PTPRF: variants seen among roughly 807,000 people sequenced by gnomAD.
PTPRF encodes receptor-type tyrosine-protein phosphatase F.
PTPRF carries 59 observed loss-of-function variants against 201.8 expected under a neutral mutation model. That is an observed-to-expected ratio of 0.29 (90% CI 0.24 to 0.36). The LOEUF (loss-of-function observed/expected upper bound fraction) is 0.36. Among genes scored for constraint, PTPRF ranks in the 10% least tolerant of loss-of-function variants. The pLI, the probability that PTPRF is intolerant of heterozygous loss-of-function variation, is 1.00. For synonymous variants in PTPRF, 1,088 were observed against 1,089.7 expected (o/e 1.00, Z 0.03); for missense variants, 2,132 against 2,690.5 (o/e 0.79, Z 4.59).
upstream of PTPRF, among the ~76,000 whole-genome samples, chr1:43,523,890 G>GA (rs57872715): frequency 1.4e-3 from 185 of 135,966 alleles, 1 homozygote; most frequent in African/African-American, 3.9e-3. Flanking sequence ...GTCTACTAAA[G>GA]AAAAAAAAAA....
intron 2 of PTPRF, among the ~76,000 whole-genome samples, chr1:43,539,881 G>A (rs1644255568): frequency 6.6e-6 from 1 of 152,160 alleles, no homozygotes; most frequent in African/African-American, 2.4e-5. Context: ...GGCTGATGTG[G>A]GGGTACAGGG....
chr1:43,573,077 G>A (rs527369134), intron 6 of PTPRF, among the ~76,000 whole-genome samples: 3 of 152,148 alleles, frequency 2.0e-5, no homozygotes, highest in Non-Finnish European at 4.4e-5. Context: ...GACGGCATGC[G>A]CTGCCCAGAT....
intron 8 of PTPRF, among the ~76,000 whole-genome samples, chr1:43,589,847 G>A (rs988778405): frequency 1.3e-5 from 2 of 151,518 alleles, no homozygotes; most frequent in Admixed American, 1.3e-4. Context: ...TCCAGCCTGA[G>A]TGACAGAGCG....
chr1:43,620,895 G>A lies in PTPRF; in HGVS notation c.5422G>A (p.Val1808Met), dbSNP rs762685023. Reference protein sequence around the residue: ...FQFTDWPEQGVPKTGEGFIDF... With the variant: ...FQFTDWPEQGMPKTGEGFIDF... ...GTTCACAGACTGGCCAGAGCAGGGC[G>A]TGCCCAAGACAGGCGAGGGATTCAT... Residue 1808 changes from valine (V) to methionine (M), a missense_variant, in exon 32 of 34, where the codon GTG becomes ATG. Physicochemically the swap from Val to Met is conservative, Grantham distance 21. Coordinates refer to ENST00000359947, the MANE Select transcript of PTPRF (RefSeq NM_002840.5). 2.2e-5 allele frequency: 36 copies of A among 1,614,104 alleles called. No individual in the cohort carries two copies. The highest frequency in any genetic ancestry group is 2.9e-5 in the Non-Finnish European group (34 of 1,180,028).
intron 7 of PTPRF, among the ~76,000 whole-genome samples, chr1:43,580,891 G>T (rs1456399517): frequency 6.6e-6 from 1 of 152,280 alleles, no homozygotes; most frequent in Non-Finnish European, 1.5e-5. Flanking sequence ...CAAGGGCGTG[G>T]CCTATGGGCA....
chr1:43,621,371 G>T, intron 33 of PTPRF, 139 bp downstream of exon 33: 1 of 1,203,364 alleles, frequency 8.3e-7, no homozygotes, highest in South Asian at 1.5e-5. Flanking sequence ...CGATAGGCAT[G>T]GTGGTGTGTG....
intron 6 of PTPRF, chr1:43,575,801 A>C: frequency 2.2e-5 from 21 of 964,872 alleles, no homozygotes; most frequent in East Asian, 6.1e-5. Context: ...CCATGTATTT[A>C]AGGCCCTTTC....
rs572013636 is a variant in PTPRF, at chr1:43,566,890, A to G, written c.380-2700A>G. Among the ~76,000 whole-genome samples the G allele has an allele frequency of 1.1e-4, 17 of 152,294 alleles. No homozygotes were observed. The South Asian group carries it at 3.5e-3, about 32-fold the overall frequency. Reference sequence around the variant, plus strand: ...CTCTGGCGGCAGTGCCTGAGGGATGATCTGAGCCAAGGACAGAGCCACTGA... The same window carrying G: ...CTCTGGCGGCAGTGCCTGAGGGATGGTCTGAGCCAAGGACAGAGCCACTGA... On this transcript the variant is annotated intron_variant, in intron 5 of 33. Transcript: ENST00000359947.
chr1:43,530,017 GA>G (rs576707456), upstream of PTPRF, among the ~76,000 whole-genome samples: 214 of 152,144 alleles, frequency 1.4e-3, no homozygotes, highest in African/African-American at 5.1e-3. The surrounding 1 kb of genome is among the most constrained non-coding windows in gnomAD (Gnocchi z 4.1). Context: ...GGGTGAACAT[GA>G]GGATGAAGGG....
intron 6 of PTPRF, among the ~76,000 whole-genome samples, chr1:43,571,211 A>G (rs1248677738): frequency 2.0e-5 from 3 of 151,288 alleles, no homozygotes; most frequent in Non-Finnish European, 4.4e-5. Context: ...CTCCTTCCCA[A>G]CCACACTCCC....
In PTPRF at chr1:43,592,485, C is replaced by T; in HGVS notation, c.1697C>T (p.Ser566Phe). The change falls in exon 11 of 34, where the codon TCC becomes TTC. Residue 566 changes from serine (S) to phenylalanine (F), a missense_variant. Physicochemically the swap from Ser to Phe is radical, Grantham distance 155. Coordinates refer to ENST00000359947, the MANE Select transcript of PTPRF (RefSeq NM_002840.5). ...AAGGTGACCTTCGACCCAACCTCCT[C>T]CTACACACTAGAGGACCTGAAGCCT... Reference protein sequence around the residue: ...QHKVTFDPTSSYTLEDLKPDT... With the variant: ...QHKVTFDPTSFYTLEDLKPDT... The T allele has an allele frequency of 6.2e-7, 1 of 1,612,336 alleles. No homozygotes were observed. The highest frequency in any genetic ancestry group is 8.5e-7 in the Non-Finnish European group (1 of 1,179,396).
intron 3 of PTPRF, among the ~76,000 whole-genome samples, chr1:43,548,271 T>C (rs1009399412): frequency 2.6e-5 from 4 of 151,822 alleles, no homozygotes; most frequent in African/African-American, 4.8e-5. Flanking sequence ...AGACCCTGGT[T>C]ATGGCCCATT....
rs1207859071 is a variant in PTPRF, at chr1:43,617,370, G to C, written c.4072-75G>C. 2.8e-5 allele frequency: 44 copies of C among 1,589,952 alleles called. No individual in the cohort carries two copies. The South Asian group carries it at 4.7e-4, about 17-fold the overall frequency. On this transcript the variant is annotated intron_variant, in intron 23 of 33. Transcript: ENST00000359947. ...GCAGGATGTGAGCATCACCGGGAAG[G>C]CTGGGTCCCCTGCAGGAGAAGCAGG... is the stretch of plus-strand genomic sequence containing the variant.
intron 22 of PTPRF, chr1:43,613,325 A>G: frequency 2.7e-6 from 1 of 371,562 alleles, no homozygotes; most frequent in South Asian, 2.7e-5. Context: ...CCCTCCTGGG[A>G]GGAAGGAAGC....
chr1:43,559,250 G>C (rs866083585), intron 5 of PTPRF, among the ~76,000 whole-genome samples: 1 of 152,124 alleles, frequency 6.6e-6, no homozygotes, highest in African/African-American at 2.4e-5. Flanking sequence ...CAGCGCACAC[G>C]TTACCATCAG....
At chr1:43,571,547 C>T (rs1646568438) in intron 6 of PTPRF, among the ~76,000 whole-genome samples, 1 of 152,226 alleles carries the variant, frequency 6.6e-6, no homozygotes. Flanking sequence ...AAGTGGCACC[C>T]TCCAACCTGG....
At chr1:43,548,555 A>G (rs1644826869) in intron 3 of PTPRF, among the ~76,000 whole-genome samples, 2 of 152,054 alleles carry the variant, frequency 1.3e-5, no homozygotes, top group Admixed American at 1.3e-4. Context: ...CCTATTGCAC[A>G]ATGGGGATAA....
At chr1:43,578,974 G>T (rs1423119069) in intron 7 of PTPRF, 54 bp downstream of exon 7, 1 of 1,549,574 alleles carries the variant, frequency 6.5e-7, no homozygotes, top group African/African-American at 1.4e-5. Flanking sequence ...TGCTGCACCT[G>T]CCGGGCTCTC....
intron 22 of PTPRF, chr1:43,612,727 CGTT>C: frequency 7.4e-7 from 1 of 1,351,500 alleles, no homozygotes; most frequent in Non-Finnish European, 9.9e-7. Context: ...TTTCTTGCCC[CGTT>C]GTTTTTTTCG....
Sources: gnomAD v4.1 joint callset for allele counts (sites outside exome capture counted in the v4.1 genomes callset) on GRCh38, gnomAD v4.1.1 for gene constraint, Gnocchi (gnomAD v3.1) non-coding constraint, MANE v1.5 for transcripts, NCBI Gene and HGNC (gene_info 2026-07-23, HGNC 2026-07-21) for gene names.